The following ZMYM4 variants were observed in gnomAD, a reference collection of about 807,000 sequenced individuals.
ZMYM4 encodes the protein zinc finger MYM-type containing 4.
Under a neutral mutation model 183.2 loss-of-function variants are expected in ZMYM4, and 31 were observed. The ratio of observed to expected loss-of-function variants is 0.17; its 90% CI spans 0.13 to 0.23. The LOEUF (loss-of-function observed/expected upper bound fraction) is 0.23. Among genes scored for constraint, ZMYM4 ranks in the 10% least tolerant of loss-of-function variants. The pLI is 1.00. For missense variants in ZMYM4, 1,273 were observed against 1,840.3 expected (o/e 0.69, Z 5.64); for synonymous variants, 592 against 631.2 (o/e 0.94, Z 0.93).
In ZMYM4 at chr1:35,381,309, C is replaced by T. The variant is rs1644452932; in HGVS notation, c.1232C>T (p.Thr411Ile). ...DVISAQFENT[T>I]TSKDFCSQSC... The stretch of plus-strand genomic sequence containing the variant: ...ATCAGTGCCCAGTTTGAAAACACCA[C>T]CACTAGTAAAGATTTTTGCAGTCAG... The change falls in exon 8 of 30, where the codon ACC becomes ATC. Residue 411 changes from threonine (T) to isoleucine (I), a missense_variant. Physicochemically the swap from Thr to Ile is moderately conservative, Grantham distance 89. This residue lies in a region of ZMYM4 where 319 missense variants were observed against 518.1 expected (regional missense o/e 0.62). Coordinates refer to ENST00000314607, the MANE Select transcript of ZMYM4 (RefSeq NM_005095.3). 1 of 1,612,966 alleles carries T rather than the reference C, an allele frequency of 6.2e-7. No individual in the cohort carries two copies. The highest frequency in any genetic ancestry group is 1.1e-5 in the South Asian group (1 of 90,948).
chr1:35,364,332 C>T (rs1196445344), intron 5 of ZMYM4, among the ~76,000 whole-genome samples: 2 of 152,092 alleles, frequency 1.3e-5, no homozygotes, highest in Admixed American at 1.3e-4. Flanking sequence ...GCTAGGTTTT[C>T]CCTGAGGAGT....
chr1:35,286,487 G>T (rs1158574558), intron 1 of ZMYM4, among the ~76,000 whole-genome samples: 2 of 152,006 alleles, frequency 1.3e-5, no homozygotes, highest in South Asian at 4.1e-4. Context: ...GTTATCTGGA[G>T]ACCACAGCCT....
intron 2 of ZMYM4, among the ~76,000 whole-genome samples, chr1:35,344,803 T>C (rs1643333630): frequency 6.6e-6 from 1 of 152,246 alleles, no homozygotes; most frequent in Admixed American, 6.5e-5. Flanking sequence ...TTTCATGTAA[T>C]GTGTTTTCCT....
Position 35,398,478 on chromosome 1 carries a change from A to G in ZMYM4, c.3253+12A>G. 6.2e-7 allele frequency: 1 copy of G among 1,609,236 alleles called. No individual in the cohort carries two copies. The highest frequency in any genetic ancestry group is 1.7e-5 in the Admixed American group (1 of 59,264). ...GATATTTGAAAAAGGTTTGTAGTTG[A>G]AAATATGTTTTGATTTTTAGAAATA... On this transcript the variant is annotated intron_variant, in intron 21 of 29. Coordinates refer to ENST00000314607, the MANE Select transcript of ZMYM4 (RefSeq NM_005095.3).
At position 35,398,803 on chromosome 1, in the gene ZMYM4, C is replaced by T. The variant is rs143714789; in HGVS notation, c.3254-61C>T. The T allele has an allele frequency of 5.2e-5, 81 of 1,566,920 alleles. 1 individual carries two copies. The highest frequency in any genetic ancestry group is 5.1e-4 in the South Asian group (44 of 85,774). On this transcript the variant is annotated intron_variant, in intron 21 of 29. Coordinates refer to ENST00000314607, the MANE Select transcript of ZMYM4 (RefSeq NM_005095.3). ...GTATTTAGGGGTTCAGGAAGTTTTC[C>T]GAGCATGTCAAGATGAGGCTATTTT...
chr1:35,390,645 T>C (rs1163315549), intron 15 of ZMYM4, among the ~76,000 whole-genome samples: 2 of 152,230 alleles, frequency 1.3e-5, no homozygotes, highest in African/African-American at 4.8e-5. Context: ...ATGGCTTAGC[T>C]TGGGCTCAGA....
intron 5 of ZMYM4, among the ~76,000 whole-genome samples, chr1:35,367,735 G>A (rs1644120718): frequency 1.3e-5 from 2 of 152,134 alleles, no homozygotes; most frequent in African/African-American, 4.8e-5. Context: ...CCAGCACTTT[G>A]GGAGGTTGAG....
chr1:35,319,485 G>A (rs369184487), intron 1 of ZMYM4, among the ~76,000 whole-genome samples: 12 of 151,974 alleles, frequency 7.9e-5, no homozygotes, highest in African/African-American at 1.2e-4. Flanking sequence ...TTAGCTGGGC[G>A]TGGTTGTGCA....
At chr1:35,390,891 A>G (rs970148385) in intron 15 of ZMYM4, among the ~76,000 whole-genome samples, 7 of 152,172 alleles carry the variant, frequency 4.6e-5, no homozygotes, top group Non-Finnish European at 8.8e-5. Flanking sequence ...TGCAGGCCAG[A>G]TGTGATGGTT....
intron 3 of ZMYM4, 93 bp downstream of exon 3, chr1:35,359,539 T>G (rs1367941452): frequency 8.2e-7 from 1 of 1,225,124 alleles, no homozygotes; most frequent in East Asian, 2.6e-5. Context: ...AAGTGAAGTA[T>G]GAACGGTTAA....
At chr1:35,413,288 T>G (rs759264735) in intron 26 of ZMYM4, among the ~76,000 whole-genome samples, 4 of 151,430 alleles carry the variant, frequency 2.6e-5, no homozygotes, top group African/African-American at 7.4e-5. Flanking sequence ...CAAGTGATCC[T>G]CTCACCTTGG....
chr1:35,326,486 C>G (rs1642508744), intron 2 of ZMYM4, among the ~76,000 whole-genome samples: 1 of 152,174 alleles, frequency 6.6e-6, no homozygotes, highest in Non-Finnish European at 1.5e-5. Context: ...ATGATGGGCT[C>G]ACTGAGTGCA....
At chr1:35,398,026 C>T (rs1644839825) in intron 20 of ZMYM4, among the ~76,000 whole-genome samples, 1 of 152,154 alleles carries the variant, frequency 6.6e-6, no homozygotes, top group African/African-American at 2.4e-5. Context: ...GTGCTCAGTG[C>T]ATTGTGTGCC....
At chr1:35,408,421 T>G (rs1570545300) in intron 26 of ZMYM4, among the ~76,000 whole-genome samples, 2 of 152,160 alleles carry the variant, frequency 1.3e-5, no homozygotes, top group African/African-American at 2.4e-5. Flanking sequence ...CCTAGGAAAT[T>G]CTTAGAGGCA....
chr1:35,399,621 T>C, intron 23 of ZMYM4, 45 bp downstream of exon 23: 1 of 1,598,584 alleles, frequency 6.3e-7, no homozygotes, highest in South Asian at 1.1e-5. Context: ...TCCTTCATTC[T>C]ACAAGCATTA....
chr1:35,276,609 C>CT lies in ZMYM4; in HGVS notation c.39+7533dup, dbSNP rs1184914443. On this transcript the variant is annotated intron_variant, in intron 1 of 29. Coordinates refer to ENST00000314607, the MANE Select transcript of ZMYM4 (RefSeq NM_005095.3). ...CTTAACCTTAATCACCTCCCCCCAC[C>CT]TTTTTTTTTCTTTTTGAAATGGAGT... Among the ~76,000 whole-genome samples, 5 of 151,334 alleles carry CT rather than the reference C, an allele frequency of 3.3e-5. No individual in the cohort carries two copies. The East Asian group carries it at 5.8e-4, about 18-fold the overall frequency.
rs993245549 is a variant in ZMYM4, at chr1:35,375,313, C to T, written c.1181+4686C>T. ...TCTTTTTTATCCCCTCTTATTTACA[C>T]GGTGATTACAACAGTTTGGTATAGT... On this transcript the variant is annotated intron_variant, in intron 7 of 29. Coordinates refer to ENST00000314607, the MANE Select transcript of ZMYM4 (RefSeq NM_005095.3). Among the ~76,000 whole-genome samples, 72 of 152,206 alleles carry T rather than the reference C, an allele frequency of 4.7e-4. 1 individual carries two copies. Among genetic ancestry groups the T allele is most frequent in the Admixed American group, 3.0e-3 (46 of 15,268 alleles).
chr1:35,301,545 CAA>C (rs531815209), intron 1 of ZMYM4, among the ~76,000 whole-genome samples: 21 of 80,598 alleles, frequency 2.6e-4, no homozygotes, highest in East Asian at 3.4e-4. Context: ...GAGGGTGTCT[CAA>C]AAAAAAAAAA....
At chr1:35,394,180 T>A (rs963955909) in intron 18 of ZMYM4, among the ~76,000 whole-genome samples, 1 of 137,444 alleles carries the variant, frequency 7.3e-6, no homozygotes, top group Non-Finnish European at 1.6e-5. Flanking sequence ...TTTTTTTTTT[T>A]TTTTTTTTTT....
Sources: gnomAD v4.1 joint callset for allele counts (sites outside exome capture counted in the v4.1 genomes callset) on GRCh38, gnomAD v4.1.1 for gene constraint, gnomAD v4.1.1 regional missense constraint, MANE v1.5 for transcripts, NCBI Gene and HGNC (gene_info 2026-07-23, HGNC 2026-07-21) for gene names.